EXOC6B: variants seen among roughly 807,000 people sequenced by gnomAD.
The protein encoded by EXOC6B is SEC15 homolog B.
EXOC6B carries 54 observed loss-of-function variants against 113.5 expected under a neutral mutation model. The observed-to-expected ratio is 0.48, with a 90% CI of 0.38 to 0.60. The LOEUF is 0.60. EXOC6B is among the 20% of genes least tolerant of loss of function. The pLI, the probability that EXOC6B is intolerant of heterozygous loss-of-function variation, is 0.00. For missense variants in EXOC6B, 797 were observed against 977.5 expected (o/e 0.82, Z 2.46); for synonymous variants, 357 against 339.0 (o/e 1.05, Z -0.58).
At chr2:72,317,488 G>A (rs1687589513) in intron 20 of EXOC6B, among the ~76,000 whole-genome samples, 1 of 151,644 alleles carries the variant, frequency 6.6e-6, no homozygotes, top group African/African-American at 2.4e-5. Context: ...ATTTCTCTCA[G>A]AGTTTATAAG....
At position 72,480,648 on chromosome 2, in the gene EXOC6B, T is replaced by C. The variant is rs760843246; in HGVS notation, c.1768A>G (p.Thr590Ala). 6 of 1,587,564 alleles carry C rather than the reference T, an allele frequency of 3.8e-6. No homozygotes were observed. The African/African-American group carries it at 8.0e-5, about 21-fold the overall frequency. Reference protein sequence around the residue: ...ITNVLPETVHTTKLYGTTTFK... With the variant: ...ITNVLPETVHATKLYGTTTFK... ...GTTGTGGTGCCATAGAGCTTGGTAG[T>C]GTGAACTGTCTCTGGAAGCACATTA... Residue 590 changes from threonine to alanine, a missense_variant, in exon 17 of 22, where the codon ACT becomes GCT. Transcript: ENST00000272427.
intron 17 of EXOC6B, among the ~76,000 whole-genome samples, chr2:72,473,840 G>A (rs1350178941): frequency 3.3e-5 from 5 of 151,888 alleles, no homozygotes; most frequent in Non-Finnish European, 7.4e-5. Flanking sequence ...TTGTTTGTTT[G>A]CTTTACCAGT....
At chr2:72,340,648 G>A (rs530699456) in intron 19 of EXOC6B, among the ~76,000 whole-genome samples, 1 of 152,130 alleles carries the variant, frequency 6.6e-6, no homozygotes, top group East Asian at 1.9e-4. Flanking sequence ...GATAAGTAGG[G>A]AAAAAAAGCA....
intron 6 of EXOC6B, among the ~76,000 whole-genome samples, chr2:72,636,330 A>AT (rs1558866793): frequency 8.5e-6 from 1 of 117,642 alleles, no homozygotes; most frequent in Non-Finnish European, 1.8e-5. Context: ...GGAGGGAAGG[A>AT]GGGAAGGAAG....
In EXOC6B at chr2:72,736,573, T is replaced by G. The variant is rs564518843; in HGVS notation, c.280-3455A>C. On this transcript the variant is annotated intron_variant, in intron 2 of 21. Transcript: ENST00000272427. ...TAGCCTCCAGTTCAAGTATTCCTGC[T>G]GGGGCATCCTCAGCAAGTTGAAGGA... Among the ~76,000 whole-genome samples, 107 of 152,284 alleles carry G rather than the reference T, an allele frequency of 7.0e-4. 1 individual carries two copies. The highest frequency in any genetic ancestry group is 2.1e-3 in the African/African-American group (89 of 41,566).
chr2:72,604,536 A>C (rs1431018760), intron 6 of EXOC6B, among the ~76,000 whole-genome samples: 1 of 152,228 alleles, frequency 6.6e-6, no homozygotes, highest in Non-Finnish European at 1.5e-5. Flanking sequence ...ACTTTATAGA[A>C]GAGGAAACTA....
chr2:72,197,824 A>C (rs1402803440), intron 20 of EXOC6B, among the ~76,000 whole-genome samples: 1 of 152,214 alleles, frequency 6.6e-6, no homozygotes, highest in Non-Finnish European at 1.5e-5. Context: ...CAGATGAAAT[A>C]TGATAGTGGG....
intron 19 of EXOC6B, among the ~76,000 whole-genome samples, chr2:72,336,775 G>A (rs1688715568): frequency 6.6e-6 from 1 of 152,138 alleles, no homozygotes; most frequent in African/African-American, 2.4e-5. Context: ...GGGAGGCTGA[G>A]GCAAGTGAAT....
chr2:72,557,570 TC>T (rs1486198741), intron 8 of EXOC6B, among the ~76,000 whole-genome samples: 2 of 152,162 alleles, frequency 1.3e-5, no homozygotes, highest in Non-Finnish European at 2.9e-5. Flanking sequence ...TATCCCATGT[TC>T]TCACTTATAA....
At chr2:72,656,927 C>G (rs1156529048) in intron 6 of EXOC6B, among the ~76,000 whole-genome samples, 1 of 152,172 alleles carries the variant, frequency 6.6e-6, no homozygotes, top group Non-Finnish European at 1.5e-5. Flanking sequence ...TCTCGGCTCA[C>G]TGCAACCTCC....
intron 8 of EXOC6B, among the ~76,000 whole-genome samples, chr2:72,544,986 TTGTGTTTA>T (rs1328665108): frequency 6.6e-6 from 1 of 152,088 alleles, no homozygotes; most frequent in East Asian, 1.9e-4. Context: ...ATGACCCCAC[TTGTGTTTA>T]TATAAAAACC....
rs567995019 is a variant in EXOC6B at position 72,802,247 on chromosome 2, C to T, written c.113+23551G>A. On this transcript the variant is annotated intron_variant, in intron 1 of 21. Coordinates refer to ENST00000272427, the MANE Select transcript of EXOC6B (RefSeq NM_015189.3). The stretch of plus-strand genomic sequence containing the variant: ...GGCTGAGGCAGGAGAATCGCTTGAA[C>T]GCAGGAGGTGGAGGTTGCAGTGAGC... Among the ~76,000 whole-genome samples, 300 of 151,338 alleles carry T rather than the reference C, an allele frequency of 2.0e-3. 3 individuals are homozygous for T. Among genetic ancestry groups the T allele is most frequent in the Non-Finnish European group, 5.7e-4 (39 of 67,928 alleles).
intron 6 of EXOC6B, among the ~76,000 whole-genome samples, chr2:72,653,885 A>G (rs1428978132): frequency 1.3e-5 from 2 of 152,200 alleles, no homozygotes; most frequent in Non-Finnish European, 2.9e-5. Context: ...TAATAACAAC[A>G]AAATGGTTGT....
At chr2:72,565,292 A>G (rs1042252326) in intron 7 of EXOC6B, among the ~76,000 whole-genome samples, 3 of 143,862 alleles carry the variant, frequency 2.1e-5, no homozygotes, top group East Asian at 4.2e-4. Flanking sequence ...ACGAGGCTGC[A>G]GTGAGCTGAG....
chr2:72,559,612 T>C, intron 7 of EXOC6B, 91 bp from the exon 8 acceptor site: 1 of 991,680 alleles, frequency 1.0e-6, no homozygotes, highest in Non-Finnish European at 1.5e-6. Context: ...TGGTTCTTTT[T>C]ATAAAGGCCA....
intron 17 of EXOC6B, among the ~76,000 whole-genome samples, chr2:72,478,673 T>C (rs1225458594): frequency 6.6e-6 from 1 of 152,202 alleles, no homozygotes; most frequent in African/African-American, 2.4e-5. Flanking sequence ...TTTTTCATGC[T>C]AGAGCAACAA....
chr2:72,424,930 T>C (rs551839199), intron 18 of EXOC6B, among the ~76,000 whole-genome samples: 1 of 152,208 alleles, frequency 6.6e-6, no homozygotes, highest in East Asian at 1.9e-4. Flanking sequence ...GATTATTTCA[T>C]CACCCAGGTA....
At chr2:72,565,607 A>C (rs530221510) in intron 7 of EXOC6B, among the ~76,000 whole-genome samples, 2 of 152,168 alleles carry the variant, frequency 1.3e-5, no homozygotes, top group Non-Finnish European at 2.9e-5. Flanking sequence ...TAATGAAGAA[A>C]AAAACCAAAA....
chr2:72,318,898 T>TAA, intron 20 of EXOC6B, among the ~76,000 whole-genome samples: 1 of 143,346 alleles, frequency 7.0e-6, no homozygotes, highest in Non-Finnish European at 1.5e-5. Flanking sequence ...ATGAAGTTAA[T>TAA]AAAAAAAAAA....
Sources: allele counts gnomAD v4.1 joint callset (sites outside exome capture counted in the v4.1 genomes callset), GRCh38; gene constraint gnomAD v4.1.1; transcripts MANE v1.5; gene names NCBI Gene and HGNC (gene_info 2026-07-23, HGNC 2026-07-21).